Variants in MAGI2 observed in about 807,000 individuals in gnomAD.
The protein encoded by MAGI2 is membrane-associated guanylate kinase, WW and PDZ domain-containing protein 2.
A neutral mutation model predicts 133.3 loss-of-function variants in MAGI2; 35 were observed. That is an observed-to-expected ratio of 0.26 (90% CI 0.20 to 0.35). The LOEUF is 0.35. Ranked by LOEUF, MAGI2 falls within the 10% of genes least tolerant of loss-of-function variation. The probability of loss-of-function intolerance (pLI) is 1.00; values close to 1 mark genes in which losing one functional copy is unlikely to be tolerated. For missense variants in MAGI2, 1,636 were observed against 1,863.4 expected (o/e 0.88, Z 2.25); for synonymous variants, 729 against 710.6 (o/e 1.03, Z -0.41).
Position 78,176,225 on chromosome 7 carries a change from C to T in MAGI2, c.2403+1786G>A, listed in dbSNP as rs78744682. Among the ~76,000 whole-genome samples the T allele has an allele frequency of 1.5e-3, 222 of 152,188 alleles. 2 individuals carry two copies. The East Asian group carries it at 0.026, about 17-fold the overall frequency. ...AAATTTAAGTCTGAAGTTACTTGAGCCCTGTATTTTACCTCAGCATTTTCC... is the reference window on the plus strand; with the variant it reads ...AAATTTAAGTCTGAAGTTACTTGAGTCCTGTATTTTACCTCAGCATTTTCC... On this transcript the variant is annotated intron_variant, in intron 14 of 21. Coordinates refer to ENST00000354212, the MANE Select transcript of MAGI2 (RefSeq NM_012301.4).
intron 1 of MAGI2, among the ~76,000 whole-genome samples, chr7:79,252,315 C>T (rs1833365412): frequency 6.6e-6 from 1 of 151,826 alleles, no homozygotes; most frequent in African/African-American, 2.4e-5. Flanking sequence ...GTAAAATAAG[C>T]CAGAAACAAA....
At chr7:79,270,157 T>C (rs915263536) in intron 1 of MAGI2, among the ~76,000 whole-genome samples, 3 of 152,082 alleles carry the variant, frequency 2.0e-5, no homozygotes, top group Non-Finnish European at 4.4e-5. Context: ...ATCTTTATGA[T>C]TTCATCTTCA....
At chr7:79,122,459 A>G (rs1216937427) in intron 1 of MAGI2, among the ~76,000 whole-genome samples, 3 of 152,216 alleles carry the variant, frequency 2.0e-5, no homozygotes, top group Non-Finnish European at 4.4e-5. Flanking sequence ...CCACAGACCC[A>G]GAAATGTATT....
chr7:78,505,498 C>T (rs1474380158), intron 4 of MAGI2, among the ~76,000 whole-genome samples: 1 of 152,144 alleles, frequency 6.6e-6, no homozygotes, highest in Admixed American at 6.5e-5. Context: ...CATATTTCAA[C>T]ATGTAATTAT....
intron 9 of MAGI2, among the ~76,000 whole-genome samples, chr7:78,260,925 T>A (rs552680191): frequency 2.9e-4 from 44 of 152,186 alleles, no homozygotes; most frequent in Non-Finnish European, 5.6e-4. Context: ...GGATACCTCA[T>A]CATTTTGGAT....
intron 1 of MAGI2, among the ~76,000 whole-genome samples, chr7:79,300,740 A>G (rs1238819810): frequency 1.3e-5 from 2 of 152,206 alleles, no homozygotes; most frequent in African/African-American, 4.8e-5. Context: ...AGCCAAGGCA[A>G]TGGGAAAAAG....
At chr7:78,494,242 C>A (rs948595982) in intron 5 of MAGI2, among the ~76,000 whole-genome samples, 1 of 152,120 alleles carries the variant, frequency 6.6e-6, no homozygotes, top group African/African-American at 2.4e-5. Context: ...CAGGCATGAA[C>A]CACCGTGCCT....
intron 2 of MAGI2, among the ~76,000 whole-genome samples, chr7:78,825,529 A>G (rs1466184070): frequency 2.8e-4 from 42 of 152,320 alleles, no homozygotes; most frequent in Non-Finnish European, 1.3e-4. Context: ...TTAAGGCACT[A>G]TTTAATGGGC....
At chr7:79,390,975 A>C (rs1844558131) in intron 1 of MAGI2, among the ~76,000 whole-genome samples, 1 of 152,188 alleles carries the variant, frequency 6.6e-6, no homozygotes, top group Non-Finnish European at 1.5e-5. Flanking sequence ...ATAGTATCCT[A>C]AATCTGTCAA....
At chr7:79,124,839 A>C (rs1045675717) in intron 1 of MAGI2, 4 of 182,766 alleles carry the variant, frequency 2.2e-5, no homozygotes, top group Admixed American at 5.8e-5. Flanking sequence ...CATTTTGAGC[A>C]ATGGGGAATG....
At chr7:78,570,267 T>C (rs1366741931) in intron 3 of MAGI2, among the ~76,000 whole-genome samples, 1 of 152,240 alleles carries the variant, frequency 6.6e-6, no homozygotes, top group African/African-American at 2.4e-5. Context: ...TCCAATTTGC[T>C]AAAATCTGGA....
At chr7:78,657,012 G>A (rs1399676366) in intron 2 of MAGI2, among the ~76,000 whole-genome samples, 5 of 147,588 alleles carry the variant, frequency 3.4e-5, no homozygotes, top group Non-Finnish European at 6.0e-5. Context: ...AAAGGAAATA[G>A]GCCAAACACA....
chr7:78,159,559 T>C (rs1824758367), intron 16 of MAGI2, among the ~76,000 whole-genome samples: 1 of 152,202 alleles, frequency 6.6e-6, no homozygotes, highest in South Asian at 2.1e-4. Flanking sequence ...CTTCTCTATA[T>C]TTCTTGGATG....
At chr7:78,433,245 T>A (rs1799965828) in intron 6 of MAGI2, among the ~76,000 whole-genome samples, 1 of 152,110 alleles carries the variant, frequency 6.6e-6, no homozygotes, top group African/African-American at 2.4e-5. Context: ...ACCTAAGTAG[T>A]TTTAATGGAT....
chr7:78,522,665 C>G, intron 3 of MAGI2, among the ~76,000 whole-genome samples: 1 of 152,174 alleles, frequency 6.6e-6, no homozygotes, highest in East Asian at 1.9e-4. Flanking sequence ...CAGGCATGAG[C>G]CACTGCATGC....
At chr7:78,690,738 CCT>C (rs1816867585) in intron 2 of MAGI2, among the ~76,000 whole-genome samples, 1 of 152,138 alleles carries the variant, frequency 6.6e-6, no homozygotes, top group Non-Finnish European at 1.5e-5. Flanking sequence ...TTACTACTGG[CCT>C]CTCAGGAAAG....
intron 9 of MAGI2, among the ~76,000 whole-genome samples, chr7:78,289,203 C>T (rs1224840487): frequency 6.6e-6 from 1 of 152,002 alleles, no homozygotes; most frequent in Non-Finnish European, 1.5e-5. Flanking sequence ...GAAGCTAAAA[C>T]CTTGAAAAAA....
At chr7:78,563,894 A>G (rs965827298) in intron 3 of MAGI2, among the ~76,000 whole-genome samples, 2 of 152,218 alleles carry the variant, frequency 1.3e-5, no homozygotes, top group Non-Finnish European at 2.9e-5. Flanking sequence ...TGAGACTGCA[A>G]ACAAGTCTAG....
intron 2 of MAGI2, among the ~76,000 whole-genome samples, chr7:78,994,721 C>A (rs1806115951): frequency 6.6e-6 from 1 of 152,012 alleles, no homozygotes; most frequent in Non-Finnish European, 1.5e-5. Flanking sequence ...CTCTCCAAGC[C>A]TAAGTTTCCT....
Sources: allele counts gnomAD v4.1 joint callset (sites outside exome capture counted in the v4.1 genomes callset), GRCh38; gene constraint gnomAD v4.1.1; transcripts MANE v1.5; gene names NCBI Gene and HGNC (gene_info 2026-07-23, HGNC 2026-07-21).